The following EGLN3 variants were observed in gnomAD, a reference collection of about 807,000 sequenced individuals.
EGLN3 encodes the protein prolyl hydroxylase EGLN3.
A neutral mutation model predicts 26.0 loss-of-function variants in EGLN3; 15 were observed. The observed-to-expected ratio is 0.58, with a 90% CI of 0.39 to 0.89. The LOEUF (loss-of-function observed/expected upper bound fraction) is 0.89, where lower values mean the gene tolerates loss of function less well. Among genes scored for constraint, EGLN3 ranks in the 40% least tolerant of loss-of-function variants. EGLN3 has a pLI of 0.00. For synonymous variants in EGLN3, 147 were observed against 127.2 expected (o/e 1.16, Z -1.05); for missense variants, 238 against 311.6 (o/e 0.76, Z 1.78).
intron 1 of EGLN3, among the ~76,000 whole-genome samples, chr14:33,947,100 T>C (rs969593466): frequency 6.6e-6 from 1 of 152,236 alleles, no homozygotes; most frequent in Non-Finnish European, 1.5e-5. Context: ...GTGAGCTGTT[T>C]GAAGCAGAGG....
chr14:33,944,176 C>T (rs1335345304), intron 1 of EGLN3, among the ~76,000 whole-genome samples: 1 of 152,024 alleles, frequency 6.6e-6, no homozygotes, highest in African/African-American at 2.4e-5. Flanking sequence ...GGCTGGAGTG[C>T]AATGGTGCAA....
intron 1 of EGLN3, among the ~76,000 whole-genome samples, chr14:33,947,379 G>A (rs1011786762): frequency 2.6e-4 from 40 of 152,156 alleles, no homozygotes; most frequent in African/African-American, 9.2e-4. Flanking sequence ...CAAAGATGAG[G>A]TAGACAAATT....
intron 1 of EGLN3, among the ~76,000 whole-genome samples, chr14:33,936,847 A>C (rs1348571342): frequency 6.6e-6 from 1 of 152,182 alleles, no homozygotes; most frequent in Non-Finnish European, 1.5e-5. Context: ...AAGACAAATT[A>C]AGCCAAAATG....
chr14:33,939,651 C>G (rs1038799929), intron 1 of EGLN3, among the ~76,000 whole-genome samples: 1 of 152,196 alleles, frequency 6.6e-6, no homozygotes, highest in Non-Finnish European at 1.5e-5. Flanking sequence ...ATTTACTAAA[C>G]AAACATTTGT....
At position 33,950,324 on chromosome 14, in the gene EGLN3, G is replaced by C. The variant is rs544374675; in HGVS notation, c.357+72C>G. On this transcript the variant is annotated intron_variant, in intron 1 of 4. Transcript: ENST00000250457. ...AGTTCGCTTACGGCCCTGGGAAGTC[G>C]ACATACAACGGACTCCGAGTGCCTC... is the stretch of plus-strand genomic sequence containing the variant. 1.1e-5 allele frequency: 15 copies of C among 1,414,780 alleles called. No homozygotes were observed. In the South Asian group the frequency reaches 1.7e-4, roughly 16 times the overall value. 87.6% of individuals were successfully genotyped at this position (1,414,780 alleles called of 1,614,324 possible). A position where few individuals can be genotyped will look rare whatever the true frequency, so the allele number is the denominator to read the frequency against.
At position 33,925,906 on chromosome 14, in the gene EGLN3, G is replaced by A. The variant is rs1459852247; in HGVS notation, c.705C>T (p.Ala235=). 6.2e-7 allele frequency: 1 copy of A among 1,612,478 alleles called. No homozygotes were observed. The highest frequency in any genetic ancestry group is 1.7e-5 in the Admixed American group (1 of 59,790). The change falls in exon 5 of 5, where the codon GCC becomes GCT. Residue 235 remains alanine (A), a synonymous_variant. Transcript: ENST00000250457. ...CAGAGCACGGTCAGTCTTCAGTGAG[G>A]GCAGATTCAGTTTTCCCTGGGTTGG... is the stretch of plus-strand genomic sequence containing the variant. ...FRNLTRKTES[A]LTED
intron 2 of EGLN3, among the ~76,000 whole-genome samples, chr14:33,929,480 G>A (rs1419570881): frequency 1.3e-5 from 2 of 152,154 alleles, no homozygotes; most frequent in Non-Finnish European, 2.9e-5. Flanking sequence ...AGCCTCCCGA[G>A]TAGCTGGGAT....
chr14:33,927,534 A>G (rs2064371058), intron 3 of EGLN3, among the ~76,000 whole-genome samples: 1 of 152,196 alleles, frequency 6.6e-6, no homozygotes, highest in Non-Finnish European at 1.5e-5. Context: ...TGCATAAGGA[A>G]TTCCAGGTAT....
At chr14:33,926,025 C>A in intron 4 of EGLN3, 103 bp from the exon 5 acceptor site, 1 of 1,091,016 alleles carries the variant, frequency 9.2e-7, no homozygotes, top group Admixed American at 1.9e-5. Context: ...CACTTCCCAT[C>A]TTATATAAGC....
Position 33,925,934 on chromosome 14 carries a change from A to G in EGLN3, c.689-12T>C, listed in dbSNP as rs2277496. ...AGATTCAGTTTTCCCTGGGTTGGGG[A>G]CAGAAAGGAGAATAAAGAGGGTATG... On this transcript the variant is annotated splice_polypyrimidine_tract_variant and intron_variant, in intron 4 of 4. Transcript: ENST00000250457. 2.0e-3 allele frequency: 3,135 copies of G among 1,593,494 alleles called. 62 individuals carry two copies. In the Admixed American group the frequency reaches 0.038, roughly 20 times the overall value.
chr14:33,950,151 G>A, intron 1 of EGLN3: 1 of 594,714 alleles, frequency 1.7e-6, no homozygotes, highest in African/African-American at 1.9e-5. Context: ...TCACCCACAA[G>A]AGCCAATATT....
At chr14:33,936,236 T>TATAAATAA (rs149218618) in intron 1 of EGLN3, among the ~76,000 whole-genome samples, 69 of 150,132 alleles carry the variant, frequency 4.6e-4, no homozygotes, top group Middle Eastern at 3.4e-3. Context: ...TCTCAAAAAA[T>TATAAATAA]ATAAATAAAT....
chr14:33,938,413 G>A (rs188737716), intron 1 of EGLN3, among the ~76,000 whole-genome samples: 2 of 152,364 alleles, frequency 1.3e-5, no homozygotes, highest in African/African-American at 4.8e-5. Flanking sequence ...AATACAGGGT[G>A]TTTGGGTTTG....
chr14:33,946,886 G>C (rs1430894010), intron 1 of EGLN3, among the ~76,000 whole-genome samples: 1 of 152,212 alleles, frequency 6.6e-6, no homozygotes, highest in Non-Finnish European at 1.5e-5. Flanking sequence ...CTGAGCCTGA[G>C]CTCCCAGCCC....
Position 33,925,761 on chromosome 14 carries a change from G to T in EGLN3, c.*130C>A. The T allele has an allele frequency of 3.0e-6, 3 of 1,002,760 alleles. No homozygotes were observed. The highest frequency in any genetic ancestry group is 1.4e-5 in the South Asian group (1 of 70,214). The allele number at this position is 1,002,760 out of a possible 1,614,324, so 62.1% of individuals were successfully genotyped here. On this transcript the variant is annotated 3_prime_UTR_variant, in exon 5 of 5. Coordinates refer to ENST00000250457, the MANE Select transcript of EGLN3 (RefSeq NM_022073.4). ...CATGAAGTACCACACACAAGACAGG[G>T]ATGTGAAGGATGCAAGAAGTAGCAG... is the stretch of plus-strand genomic sequence containing the variant.
chr14:33,947,244 G>A (rs747201010), intron 1 of EGLN3, among the ~76,000 whole-genome samples: 6 of 152,154 alleles, frequency 3.9e-5, no homozygotes, highest in Non-Finnish European at 7.3e-5. Context: ...AGGGAGTAGC[G>A]AGCGGATAAA....
intron 1 of EGLN3, among the ~76,000 whole-genome samples, chr14:33,936,088 G>T (rs569488320): frequency 6.6e-6 from 1 of 152,092 alleles, no homozygotes; most frequent in African/African-American, 2.4e-5. Context: ...AAAATTAGTT[G>T]GGCATGGTGG....
chr14:33,944,383 G>C (rs1021924534), intron 1 of EGLN3, among the ~76,000 whole-genome samples: 1 of 152,110 alleles, frequency 6.6e-6, no homozygotes, highest in African/African-American at 2.4e-5. Context: ...GCCTCCCAAA[G>C]TGCTGGGATT....
At chr14:33,929,267 A>G (rs757478962) in intron 2 of EGLN3, 55 bp from the exon 3 acceptor site, 1 of 1,598,706 alleles carries the variant, frequency 6.3e-7, no homozygotes, top group Non-Finnish European at 8.5e-7. Context: ...GTTTATCAAC[A>G]ACCATATTTC....
Sources: allele counts gnomAD v4.1 joint callset (sites outside exome capture counted in the v4.1 genomes callset), GRCh38; gene constraint gnomAD v4.1.1; transcripts MANE v1.5; gene names NCBI Gene and HGNC (gene_info 2026-07-23, HGNC 2026-07-21).